The following PCDH15 variants were observed in gnomAD, a reference collection of about 807,000 sequenced individuals.
PCDH15 encodes protocadherin-15.
In PCDH15, 129 loss-of-function variants were observed where a neutral mutation model predicts 178.5. The ratio of observed to expected loss-of-function variants is 0.72; its 90% CI spans 0.63 to 0.84. The LOEUF (loss-of-function observed/expected upper bound fraction) is 0.84, where lower values mean the gene tolerates loss of function less well. Ranked by LOEUF, PCDH15 falls within the 40% of genes least tolerant of loss-of-function variation. The pLI, the probability that PCDH15 is intolerant of heterozygous loss-of-function variation, is 0.00. For missense variants in PCDH15, 2,230 were observed against 2,099.9 expected (o/e 1.06, Z -1.21); for synonymous variants, 800 against 732.0 (o/e 1.09, Z -1.50).
chr10:53,930,077 C>T (rs1182419789), intron 25 of PCDH15, among the ~76,000 whole-genome samples: 1 of 151,930 alleles, frequency 6.6e-6, no homozygotes, highest in African/African-American at 2.4e-5. Context: ...TCCTAAAAAC[C>T]CAGGAGAGTT....
At chr10:55,200,677 G>T (rs767290724) in intron 1 of PCDH15, among the ~76,000 whole-genome samples, 13 of 152,204 alleles carry the variant, frequency 8.5e-5, no homozygotes, top group Non-Finnish European at 1.6e-4. Context: ...ATGTTGAATT[G>T]AAATTTCTAG....
intron 2 of PCDH15, among the ~76,000 whole-genome samples, chr10:54,570,540 AC>A (rs2089665215): frequency 6.6e-6 from 1 of 150,388 alleles, no homozygotes; most frequent in Non-Finnish European, 1.5e-5. Context: ...TGGGATTTTC[AC>A]ATTGGATTTC....
chr10:54,681,901 T>C lies in PCDH15; in HGVS notation c.-28-17611A>G, dbSNP rs553339111. ...GTAAGAGAAAAGTCCTTTCTTAGGT[T>C]GGTAGAGGAAATTAGATCCTCCAGA... On this transcript the variant is annotated intron_variant, in intron 1 of 37. Coordinates refer to ENST00000644397, the MANE Select transcript of PCDH15 (RefSeq NM_001384140.1). 2.1e-4 allele frequency among the ~76,000 whole-genome samples: 32 copies of C among 152,260 alleles called. No individual in the cohort carries two copies. The South Asian group carries it at 6.4e-3, about 31-fold the overall frequency.
At chr10:55,354,029 A>T (rs1317202500) in intron 2 of PCDH15, among the ~76,000 whole-genome samples, 2 of 152,008 alleles carry the variant, frequency 1.3e-5, no homozygotes. Context: ...CTCACTCCTG[A>T]TGCCTGAGAT....
chr10:53,870,878 G>A (rs1310729844), intron 26 of PCDH15, among the ~76,000 whole-genome samples: 3 of 152,112 alleles, frequency 2.0e-5, no homozygotes, highest in Admixed American at 2.0e-4. Context: ...TCAGAGCGCA[G>A]TTTTAAATCT....
At chr10:54,758,757 G>A (rs1947492031) in intron 1 of PCDH15, among the ~76,000 whole-genome samples, 1 of 152,098 alleles carries the variant, frequency 6.6e-6, no homozygotes, top group African/African-American at 2.4e-5. Flanking sequence ...GGTTGTGTTT[G>A]GAACTATCTC....
intron 2 of PCDH15, among the ~76,000 whole-genome samples, chr10:55,618,161 C>T (rs993380226): frequency 1.3e-5 from 2 of 151,918 alleles, no homozygotes; most frequent in African/African-American, 2.4e-5. Flanking sequence ...ATTATAGCTA[C>T]TTGAAGGCTT....
At chr10:54,721,639 A>C (rs571239439) in intron 1 of PCDH15, among the ~76,000 whole-genome samples, 2 of 151,982 alleles carry the variant, frequency 1.3e-5, no homozygotes, top group South Asian at 4.1e-4. Context: ...GCATTTCTAG[A>C]AAAACAGACA....
intron 2 of PCDH15, among the ~76,000 whole-genome samples, chr10:55,458,749 G>T (rs1200688941): frequency 6.6e-6 from 1 of 151,986 alleles, no homozygotes; most frequent in African/African-American, 2.4e-5. Flanking sequence ...ATAAAGCAGA[G>T]TTCCTTTGCA....
chr10:54,003,048 A>T (rs893693192), intron 20 of PCDH15, among the ~76,000 whole-genome samples: 4 of 152,180 alleles, frequency 2.6e-5, no homozygotes, highest in Non-Finnish European at 4.4e-5. Flanking sequence ...GAAGTTAGCA[A>T]GACCACGAAT....
At chr10:54,291,759 A>G (rs1333899717) in intron 8 of PCDH15, among the ~76,000 whole-genome samples, 1 of 152,196 alleles carries the variant, frequency 6.6e-6, no homozygotes, top group Non-Finnish European at 1.5e-5. Flanking sequence ...TGCCCTCCCA[A>G]GACTAAACCA....
chr10:54,997,281 T>C (rs184252429), intron 2 of PCDH15, among the ~76,000 whole-genome samples: 3 of 152,232 alleles, frequency 2.0e-5, no homozygotes, highest in Non-Finnish European at 4.4e-5. Flanking sequence ...GTAAAAACTA[T>C]TGGATCTTTG....
intron 18 of PCDH15, among the ~76,000 whole-genome samples, chr10:54,029,677 T>C (rs976933535): frequency 6.6e-6 from 1 of 152,220 alleles, no homozygotes; most frequent in Non-Finnish European, 1.5e-5. Context: ...CAAAGTTTTT[T>C]GTATAATTTT....
intron 30 of PCDH15, among the ~76,000 whole-genome samples, chr10:53,828,856 A>C (rs58380438): frequency 6.6e-6 from 1 of 152,182 alleles, no homozygotes; most frequent in African/African-American, 2.4e-5. Flanking sequence ...AAATGTGAGA[A>C]TTTCAACTCT....
chr10:54,155,407 G>T (rs925777016), intron 13 of PCDH15, among the ~76,000 whole-genome samples: 14 of 152,108 alleles, frequency 9.2e-5, no homozygotes, highest in African/African-American at 3.4e-4. Context: ...TAGCTCTGCA[G>T]AAATTATTAG....
chr10:55,500,523 A>C (rs546573341), intron 2 of PCDH15, among the ~76,000 whole-genome samples: 1 of 151,884 alleles, frequency 6.6e-6, no homozygotes, highest in East Asian at 2.0e-4. Context: ...TGTGTCTCCC[A>C]GGAATCTTAT....
chr10:54,456,732 G>T (rs1335186010), intron 3 of PCDH15, among the ~76,000 whole-genome samples: 1 of 152,138 alleles, frequency 6.6e-6, no homozygotes, highest in African/African-American at 2.4e-5. Context: ...ATCTTGAATT[G>T]CAGTTCCCAT....
At chr10:53,884,668 A>C (rs2080964837) in intron 26 of PCDH15, among the ~76,000 whole-genome samples, 2 of 152,204 alleles carry the variant, frequency 1.3e-5, no homozygotes, top group Admixed American at 1.3e-4. Context: ...AGTAGGAATT[A>C]GATTAAGACA....
chr10:55,264,517 C>T (rs1842229851), intron 1 of PCDH15, among the ~76,000 whole-genome samples: 1 of 152,176 alleles, frequency 6.6e-6, no homozygotes, highest in Non-Finnish European at 1.5e-5. Context: ...TGCCAGGCCT[C>T]AGGGATGCCA....
Sources: gnomAD v4.1 joint callset for allele counts (sites outside exome capture counted in the v4.1 genomes callset) on GRCh38, gnomAD v4.1.1 for gene constraint, MANE v1.5 for transcripts, NCBI Gene and HGNC (gene_info 2026-07-23, HGNC 2026-07-21) for gene names.